The following PDE4C variants were observed in gnomAD, a reference collection of about 807,000 sequenced individuals.
The protein encoded by PDE4C is phosphodiesterase 4C, also known as 3',5'-cyclic-AMP phosphodiesterase 4C.
A neutral mutation model predicts 63.9 loss-of-function variants in PDE4C; 50 were observed. The ratio of observed to expected loss-of-function variants is 0.78; its 90% confidence interval spans 0.62 to 0.99. The LOEUF is 0.99. PDE4C is among the 50% of genes least tolerant of loss of function. PDE4C has a pLI of 0.00. For synonymous variants in PDE4C, 377 were observed against 385.1 expected (o/e 0.98, Z 0.25); for missense variants, 777 against 899.1 (o/e 0.86, Z 1.74).
At chr19:18,248,969 G>A (rs1221319799), upstream of PDE4C, among the ~76,000 whole-genome samples, 1 of 150,986 alleles carries the variant, frequency 6.6e-6, no homozygotes, top group Non-Finnish European at 1.5e-5. Flanking sequence ...AGGTTGCAGT[G>A]AGCTGAGATC....
At chr19:18,232,786 C>A (rs894030987) in intron 1 of PDE4C, among the ~76,000 whole-genome samples, 12 of 152,186 alleles carry the variant, frequency 7.9e-5, no homozygotes, top group African/African-American at 2.9e-4. Context: ...CCAGCACCCT[C>A]AGCTCCACCC....
chr19:18,227,133 T>C (rs1946484429), upstream of PDE4C, among the ~76,000 whole-genome samples: 1 of 152,116 alleles, frequency 6.6e-6, no homozygotes, highest in African/African-American at 2.4e-5. Flanking sequence ...CCACGCAATG[T>C]TTCTAATCCT....
upstream of PDE4C, chr19:18,234,118 TC>T (rs1250509585): frequency 6.5e-6 from 1 of 152,864 alleles, no homozygotes; most frequent in Non-Finnish European, 1.5e-5. Flanking sequence ...AGAGGGGAAG[TC>T]AGGTCTCTCT....
chr19:18,221,052 G>GCCAGGGCCCCCCCCCCCCCCCCCC, intron 4 of PDE4C, 53 bp downstream of exon 4: 3 of 1,245,282 alleles, frequency 2.4e-6, no homozygotes, highest in Non-Finnish European at 3.4e-6. Context: ...CCCGCTTTCC[G>GCCAGGGCCCCCCCCCCCCCCCCCC]CCCACCTTGT....
chr19:18,226,144 G>T, intron 1 of PDE4C, 126 bp downstream of exon 1: 2 of 702,254 alleles, frequency 2.8e-6, no homozygotes, highest in Non-Finnish European at 4.8e-6. Flanking sequence ...CGAGGGAGAG[G>T]CAGAGCGTCC....
upstream of PDE4C, among the ~76,000 whole-genome samples, chr19:18,251,391 G>C (rs1327441767): frequency 3.3e-5 from 5 of 151,390 alleles, no homozygotes; most frequent in Non-Finnish European, 1.5e-5. Context: ...CTCCCAAAGT[G>C]CTGGGATTAC....
chr19:18,219,365 T>C lies in PDE4C; in HGVS notation c.739A>G (p.Thr247Ala), dbSNP rs759925889. The C allele has an allele frequency of 3.7e-6, 6 of 1,612,312 alleles. No homozygotes were observed. The African/African-American group carries it at 8.0e-5, about 22-fold the overall frequency. The change falls in exon 8 of 15, where the codon ACC (threonine) becomes GCC (alanine). Residue 247 changes from threonine to alanine, a missense_variant. Transcript: ENST00000262805. Reference sequence around the variant, plus strand: ...ATGGGCTGTGGGGCCTCCTCAGCGGTCACCTTGGGCAGCTCCACCTCGGTC... The same window carrying C: ...ATGGGCTGTGGGGCCTCCTCAGCGGCCACCTTGGGCAGCTCCACCTCGGTC...
intron 1 of PDE4C, among the ~76,000 whole-genome samples, chr19:18,246,706 T>C (rs1227327294): frequency 6.6e-6 from 1 of 151,814 alleles, no homozygotes; most frequent in Admixed American, 6.6e-5. Flanking sequence ...GGCAGGTGGG[T>C]CACTTAAGAT....
intron 11 of PDE4C, 53 bp from the exon 12 acceptor site, chr19:18,216,948 A>G (rs1467648477): frequency 1.4e-5 from 22 of 1,530,822 alleles, no homozygotes; most frequent in Non-Finnish European, 1.8e-5. Flanking sequence ...CACCCACTCT[A>G]CCCAAAAGCA....
intron 2 of PDE4C, 67 bp downstream of exon 2, chr19:18,222,065 G>A: frequency 2.2e-6 from 3 of 1,386,500 alleles, no homozygotes; most frequent in East Asian, 2.3e-5. Context: ...GAAGGAGCTT[G>A]CTGAATAGAG....
upstream of PDE4C, chr19:18,233,714 C>G (rs1473218765): frequency 2.9e-6 from 1 of 346,166 alleles, no homozygotes; most frequent in Non-Finnish European, 5.7e-6. Flanking sequence ...TGTCCGCGAC[C>G]TGATGGTGCT....
upstream of PDE4C, among the ~76,000 whole-genome samples, chr19:18,230,863 C>T (rs1467655845): frequency 6.6e-6 from 1 of 152,160 alleles, no homozygotes; most frequent in African/African-American, 2.4e-5. Context: ...GCTTCTTATC[C>T]ATGGTTGCGT....
intron 11 of PDE4C, among the ~76,000 whole-genome samples, chr19:18,217,770 G>A (rs184646855): frequency 2.0e-3 from 298 of 152,228 alleles, no homozygotes; most frequent in African/African-American, 6.5e-3. Flanking sequence ...GGTAGTGTGT[G>A]CCTGTAATCC....
chr19:18,223,967 G>T (rs773618042), intron 1 of PDE4C, among the ~76,000 whole-genome samples: 2 of 151,992 alleles, frequency 1.3e-5, no homozygotes, highest in African/African-American at 4.8e-5. Context: ...CCCCACGGCC[G>T]CCGACCACGC....
chr19:18,210,688 G>A, exon 15 of PDE4C: 2 of 447,914 alleles, frequency 4.5e-6, no homozygotes, highest in East Asian at 3.8e-5. Context: ...AAGACACCAG[G>A]GCATCGTAAG....
Position 18,218,347 on chromosome 19 carries a change from G to A in PDE4C, c.1121C>T (p.Thr374Met), listed in dbSNP as rs148755672. 1.6e-5 allele frequency: 26 copies of A among 1,614,092 alleles called. No individual in the cohort carries two copies. In the South Asian group the frequency reaches 1.6e-4, roughly 10 times the overall value. Residue 374 changes from threonine to methionine, a missense_variant, in exon 10 of 15, where the codon ACG becomes ATG. Physicochemically the swap from Thr to Met is moderately conservative, Grantham distance 81. Coordinates refer to ENST00000262805, the Ensembl canonical transcript of PDE4C. Reference sequence around the variant, plus strand: ...ATGGCGCAGTACCTCGAGGGCGGGCGTAGCCAGCAGCACATGCGTGGACTG... The same window carrying A: ...ATGGCGCAGTACCTCGAGGGCGGGCATAGCCAGCAGCACATGCGTGGACTG...
At chr19:18,252,098 G>T (rs542316601), upstream of PDE4C, 2 of 399,020 alleles carry the variant, frequency 5.0e-6, no homozygotes, top group Non-Finnish European at 8.8e-6. Context: ...GGTCAGTGGA[G>T]GTCAAGGGCT....
intron 7 of PDE4C, 35 bp from the exon 8 acceptor site, chr19:18,219,432 G>A (rs772125123): frequency 1.9e-5 from 30 of 1,545,830 alleles, no homozygotes; most frequent in African/African-American, 4.1e-5. Context: ...CAGAGAAGCC[G>A]ATTTCACCTG....
intron 2 of PDE4C, 56 bp from the exon 3 acceptor site, chr19:18,221,353 C>T: frequency 4.6e-6 from 7 of 1,511,514 alleles, no homozygotes; most frequent in Non-Finnish European, 6.2e-6. Context: ...GCTTTTTACC[C>T]ACACCATATG....
Sources: gnomAD v4.1 joint callset for allele counts (sites outside exome capture counted in the v4.1 genomes callset) on GRCh38, gnomAD v4.1.1 for gene constraint, MANE v1.5 for transcripts, NCBI Gene and HGNC (gene_info 2026-07-23, HGNC 2026-07-21) for gene names.